The following CFAP20DC variants were observed in gnomAD, a reference collection of about 807,000 sequenced individuals.
The protein encoded by CFAP20DC is CFAP20 domain containing, also known as protein CFAP20DC.
CFAP20DC carries 84 observed loss-of-function variants against 101.7 expected under a neutral mutation model. That is an observed-to-expected ratio of 0.83 (90% CI 0.69 to 0.99). The LOEUF (loss-of-function observed/expected upper bound fraction) is 0.99. Among genes scored for constraint, CFAP20DC ranks in the 50% least tolerant of loss-of-function variants. The probability of loss-of-function intolerance (pLI) is 0.00; values close to 1 mark genes in which losing one functional copy is unlikely to be tolerated. For missense variants in CFAP20DC, 1,007 were observed against 970.3 expected, an observed-to-expected ratio of 1.04 and a Z score of -0.50; for synonymous variants, 359 against 351.2, an observed-to-expected ratio of 1.02 and a Z score of -0.25.
intron 15 of CFAP20DC, 97 bp from the exon 16 acceptor site, chr3:58,753,960 A>G: frequency 1.3e-6 from 1 of 751,608 alleles, no homozygotes; most frequent in Non-Finnish European, 2.2e-6. Context: ...TCCAAAAAGA[A>G]ACACTTTTTT....
At chr3:58,842,195 C>T (rs2077174463) in intron 13 of CFAP20DC, among the ~76,000 whole-genome samples, 2 of 151,976 alleles carry the variant, frequency 1.3e-5, no homozygotes, top group Admixed American at 6.5e-5. Context: ...CTCCGGTCTA[C>T]AGCTCCCAGC....
intron 4 of CFAP20DC, among the ~76,000 whole-genome samples, chr3:59,023,421 T>C (rs1329679766): frequency 6.6e-6 from 1 of 152,110 alleles, no homozygotes; most frequent in Non-Finnish European, 1.5e-5. Flanking sequence ...TTATGAAAGA[T>C]AATGCATTTG....
intron 4 of CFAP20DC, among the ~76,000 whole-genome samples, chr3:58,951,755 T>C (rs1266136287): frequency 1.3e-5 from 2 of 149,844 alleles, no homozygotes; most frequent in African/African-American, 4.9e-5. Context: ...CGGGGCCTGT[T>C]GTGGGGTGGG....
rs1575994509 is a variant in CFAP20DC at position 58,861,692 on chromosome 3, AG to A, written c.1593+1865del. 9 of 985,254 alleles carry A rather than the reference AG, an allele frequency of 9.1e-6. No homozygotes were observed. The highest frequency in any genetic ancestry group is 6.2e-5 in the Admixed American group (1 of 16,260). The allele number at this position is 985,254 out of a possible 1,614,324, so 61.0% of individuals were successfully genotyped here. A position where few individuals can be genotyped will look rare whatever the true frequency, so the allele number is the denominator to read the frequency against. On this transcript the variant is annotated intron_variant, in intron 12 of 16. Transcript: ENST00000482387. The surrounding 1 kb of genome is among the most constrained non-coding windows in gnomAD (Gnocchi z 4.0). ...AAACCCCAAAGCTTGATAATGTGGC[AG>A]GTGTTTCCCCTCTCTCTGGCTGCCA... is the stretch of plus-strand genomic sequence containing the variant.
chr3:58,812,945 A>T (rs2074785571), intron 14 of CFAP20DC, among the ~76,000 whole-genome samples: 1 of 151,926 alleles, frequency 6.6e-6, no homozygotes, highest in Non-Finnish European at 1.5e-5. Flanking sequence ...AACAAAACCA[A>T]ACAAGATATC....
intron 15 of CFAP20DC, among the ~76,000 whole-genome samples, chr3:58,782,061 A>T (rs1183744992): frequency 6.6e-6 from 1 of 152,040 alleles, no homozygotes; most frequent in Admixed American, 6.6e-5. Context: ...ACATTATATT[A>T]AAAAAATTAA....
At position 58,843,068 on chromosome 3, in the gene CFAP20DC, C is replaced by T. The variant is rs914945748; in HGVS notation, c.1971+5964G>A. On this transcript the variant is annotated intron_variant, in intron 13 of 16. Transcript: ENST00000482387. ...TAAAACCACAAAGATGGGGAAAAAA[C>T]AGAACAGAAAAACTGGAAACTCTAA... is the stretch of plus-strand genomic sequence containing the variant. Among the ~76,000 whole-genome samples the T allele has an allele frequency of 1.2e-3, 184 of 152,276 alleles. 1 individual carries two copies. Among genetic ancestry groups the T allele is most frequent in the Non-Finnish European group, 2.1e-3 (143 of 68,020 alleles).
chr3:58,885,909 C>A (rs1466442597), intron 6 of CFAP20DC, among the ~76,000 whole-genome samples: 1 of 152,012 alleles, frequency 6.6e-6, no homozygotes, highest in African/African-American at 2.4e-5. Flanking sequence ...AATAGTGCTG[C>A]AATAAACATG....
chr3:58,812,222 T>C (rs1262815264), intron 14 of CFAP20DC, among the ~76,000 whole-genome samples: 2 of 152,104 alleles, frequency 1.3e-5, no homozygotes, highest in Non-Finnish European at 2.9e-5. Flanking sequence ...CCCAAAGGAC[T>C]ATAAATCATG....
chr3:58,950,607 C>T (rs997616384), intron 4 of CFAP20DC, among the ~76,000 whole-genome samples: 7 of 152,084 alleles, frequency 4.6e-5, no homozygotes, highest in African/African-American at 1.7e-4. Flanking sequence ...AATAACACCG[C>T]ATATCTACAA....
chr3:58,794,235 T>A (rs2073067606), intron 15 of CFAP20DC: 1 of 396,774 alleles, frequency 2.5e-6, no homozygotes, highest in Non-Finnish European at 5.2e-6. Flanking sequence ...ATAGTTTTTT[T>A]TTCCCATGCC....
At position 58,820,331 on chromosome 3, in the gene CFAP20DC, T is replaced by C. The variant is rs1343713608; in HGVS notation, c.2175+11355A>G. On this transcript the variant is annotated intron_variant, in intron 14 of 16. Coordinates refer to ENST00000482387, the MANE Select transcript of CFAP20DC (RefSeq NM_001394063.1). The stretch of plus-strand genomic sequence containing the variant: ...GAGAAGGAAATAAAGGGTATTCAAT[T>C]AGGAAAAGAGGAAGTCAAATTGTCC... Among the ~76,000 whole-genome samples, 369 of 149,048 alleles carry C rather than the reference T, an allele frequency of 2.5e-3. 2 individuals carry two copies. The highest frequency in any genetic ancestry group is 8.6e-3 in the African/African-American group (343 of 39,944).
Position 58,742,492 on chromosome 3 carries a change from G to T in CFAP20DC, c.2413C>A (p.Pro805Thr). The change falls in exon 17 of 17, where the codon CCC (proline) becomes ACC (threonine). Residue 805 changes from proline to threonine, a missense_variant. By Grantham distance (38) the Pro-to-Thr change is conservative. Coordinates refer to ENST00000482387, the MANE Select transcript of CFAP20DC (RefSeq NM_001394063.1). ...AACTCATAGTATTTCCCTGTTTGGG[G>T]GTCAAAGTAACAGTTCAGACAAGGG... is the stretch of plus-strand genomic sequence containing the variant. Reference protein sequence around the residue: ...YDPCLNCYFDPQTGKYYELV With the variant: ...YDPCLNCYFDTQTGKYYELV 1.9e-6 allele frequency: 3 copies of T among 1,606,984 alleles called. No homozygotes were observed. The highest frequency in any genetic ancestry group is 2.2e-5 in the South Asian group (2 of 89,568).
intron 3 of CFAP20DC, among the ~76,000 whole-genome samples, chr3:58,719,581 A>G (rs957822271): frequency 7.9e-5 from 12 of 152,220 alleles, no homozygotes; most frequent in African/African-American, 2.9e-4. Context: ...AAATAGCACT[A>G]TTTGATAAGA....
In CFAP20DC at chr3:58,874,497, G is replaced by T. The variant is rs538877500; in HGVS notation, c.716-4188C>A. Among the ~76,000 whole-genome samples, 1 of 151,904 alleles carries T rather than the reference G, an allele frequency of 6.6e-6. No homozygotes were observed. The highest frequency in any genetic ancestry group is 2.1e-4 in the South Asian group (1 of 4,798). On this transcript the variant is annotated intron_variant, in intron 7 of 16. Transcript: ENST00000482387. This position sits in a 1 kb window ranked among gnomAD's most constrained non-coding sequence, Gnocchi z 5.1. ...AAGATGAAGGCTCTTAACATTGCCC[G>T]CAAAACCCTGCATGTTCTGACATGT... is the stretch of plus-strand genomic sequence containing the variant.
At chr3:58,999,787 G>C (rs923611493) in intron 4 of CFAP20DC, among the ~76,000 whole-genome samples, 1 of 142,206 alleles carries the variant, frequency 7.0e-6, no homozygotes, top group Non-Finnish European at 1.5e-5. Context: ...CTTTTGCAGT[G>C]TATTCTATTT....
intron 15 of CFAP20DC, among the ~76,000 whole-genome samples, chr3:58,775,363 C>T (rs937286766): frequency 6.6e-6 from 1 of 152,052 alleles, no homozygotes; most frequent in Non-Finnish European, 1.5e-5. Flanking sequence ...GGCAGGTGTG[C>T]CCTGAGAAGT....
chr3:58,962,262 T>A (rs1317458861), intron 4 of CFAP20DC, among the ~76,000 whole-genome samples: 1 of 152,116 alleles, frequency 6.6e-6, no homozygotes, highest in Non-Finnish European at 1.5e-5. Context: ...TTATTATTCA[T>A]CCTTTGACTC....
At chr3:58,951,153 A>C (rs1265921602) in intron 4 of CFAP20DC, among the ~76,000 whole-genome samples, 1 of 152,230 alleles carries the variant, frequency 6.6e-6, no homozygotes, top group East Asian at 1.9e-4. Context: ...GACACATGAA[A>C]AAATGCTCAT....
Sources: gnomAD v4.1 joint callset for allele counts (sites outside exome capture counted in the v4.1 genomes callset) on GRCh38, gnomAD v4.1.1 for gene constraint, Gnocchi (gnomAD v3.1) non-coding constraint, MANE v1.5 for transcripts, NCBI Gene and HGNC (gene_info 2026-07-23, HGNC 2026-07-21) for gene names.